The following PFKFB4 variants were observed in gnomAD, a reference collection of about 807,000 sequenced individuals.
PFKFB4 encodes 6-phosphofructo-2-kinase/fructose-2,6-biphosphatase 4.
In PFKFB4, 42 loss-of-function variants were observed where a neutral mutation model predicts 62.8. The ratio of observed to expected loss-of-function variants is 0.67; its 90% CI spans 0.52 to 0.86. The LOEUF (loss-of-function observed/expected upper bound fraction) is 0.86, where lower values mean the gene tolerates loss of function less well. PFKFB4 is among the 40% of genes least tolerant of loss of function. The pLI is 0.00. For missense variants in PFKFB4, 475 were observed against 627.2 expected, an observed-to-expected ratio of 0.76 and a Z score of 2.59; for synonymous variants, 204 against 240.7, an observed-to-expected ratio of 0.85 and a Z score of 1.41.
chr3:48,558,894 C>T (rs1456860475), upstream of PFKFB4, among the ~76,000 whole-genome samples: 6 of 152,246 alleles, frequency 3.9e-5, no homozygotes, highest in Non-Finnish European at 4.4e-5. Flanking sequence ...CTTCTGGCCA[C>T]TGCCAAGGCC....
chr3:48,548,774 T>G (rs1183633718), intron 3 of PFKFB4: 2 of 152,224 alleles, frequency 1.3e-5, no homozygotes, highest in Non-Finnish European at 2.9e-5. Context: ...GCCTTGATTT[T>G]TACCCACAAT....
chr3:48,561,942 T>C (rs1259865839), upstream of PFKFB4: 1 of 152,298 alleles, frequency 6.6e-6, no homozygotes, highest in African/African-American at 2.4e-5. The surrounding 1 kb of genome is among the most constrained non-coding windows in gnomAD (Gnocchi z 5.2). Context: ...CTGTCTCCTG[T>C]GAGCCCTGCA....
upstream of PFKFB4, chr3:48,556,809 T>A: frequency 1.3e-6 from 2 of 1,579,818 alleles, no homozygotes; most frequent in Non-Finnish European, 8.6e-7. This position sits in a 1 kb window ranked among gnomAD's most constrained non-coding sequence, Gnocchi z 5.7. Context: ...ACTGCGCCGC[T>A]TCCAACCCAG....
chr3:48,550,063 T>A (rs1402625093), intron 2 of PFKFB4, 55 bp downstream of exon 2: 1 of 1,455,628 alleles, frequency 6.9e-7, no homozygotes, highest in South Asian at 1.1e-5. Flanking sequence ...GCCTTCTCTA[T>A]TCTCTTCGTC....
intron 12 of PFKFB4, 147 bp downstream of exon 12, chr3:48,523,390 A>T (rs1240108757): frequency 2.5e-6 from 2 of 792,398 alleles, no homozygotes; most frequent in East Asian, 2.7e-5. Flanking sequence ...TCTCAAAGAA[A>T]AAAAGCAAAT....
intron 9 of PFKFB4, among the ~76,000 whole-genome samples, chr3:48,533,674 G>C (rs2042500779): frequency 6.6e-6 from 1 of 152,180 alleles, no homozygotes; most frequent in South Asian, 2.1e-4. Context: ...GGCCAACGTG[G>C]TGAAACCCTG....
chr3:48,559,735 G>A (rs1477534674), upstream of PFKFB4: 1 of 402,176 alleles, frequency 2.5e-6, no homozygotes, highest in East Asian at 7.2e-5. Flanking sequence ...GAACCTGGCT[G>A]GCCTGACCCT....
chr3:48,528,261 T>C (rs2042326680), intron 9 of PFKFB4, among the ~76,000 whole-genome samples: 3 of 151,994 alleles, frequency 2.0e-5, no homozygotes, highest in African/African-American at 7.2e-5. Flanking sequence ...GAATGTGAGA[T>C]GGCGAAACAG....
chr3:48,543,066 A>C (rs909577585), intron 4 of PFKFB4, among the ~76,000 whole-genome samples: 1 of 152,172 alleles, frequency 6.6e-6, no homozygotes. Context: ...AGGAAGAAGA[A>C]GGAAGGGAAA....
At chr3:48,519,889 T>C in intron 13 of PFKFB4, 83 bp from the exon 14 acceptor site, 1 of 1,069,600 alleles carries the variant, frequency 9.3e-7, no homozygotes, top group Non-Finnish European at 1.4e-6. Context: ...TCACTGTGGT[T>C]CATCAGGCTT....
chr3:48,535,436 G>T (rs546456467), intron 9 of PFKFB4, 76 bp downstream of exon 9: 6 of 1,297,046 alleles, frequency 4.6e-6, no homozygotes, highest in Non-Finnish European at 3.3e-6. Context: ...GGGAGCAATG[G>T]TCACTGTTGT....
chr3:48,555,260 ACAAT>A (rs1278183502), intron 1 of PFKFB4, among the ~76,000 whole-genome samples: 1 of 152,086 alleles, frequency 6.6e-6, no homozygotes, highest in African/African-American at 2.4e-5. Flanking sequence ...GACCTACATC[ACAAT>A]CAAAGCCATG....
chr3:48,531,629 ATTT>A (rs892279202), intron 9 of PFKFB4, among the ~76,000 whole-genome samples: 1 of 148,860 alleles, frequency 6.7e-6, no homozygotes, highest in Non-Finnish European at 1.5e-5. Flanking sequence ...CCAAAAAAAA[ATTT>A]TTTTTTTAAA....
chr3:48,543,838 G>A (rs1411109765), intron 3 of PFKFB4, among the ~76,000 whole-genome samples, 192 bp from the exon 4 acceptor site: 3 of 152,142 alleles, frequency 2.0e-5, no homozygotes, highest in Admixed American at 1.3e-4. Flanking sequence ...CCTGTGAGGT[G>A]GAAGGCTATA....
chr3:48,535,794 G>T, intron 8 of PFKFB4, 136 bp from the exon 9 acceptor site: 1 of 997,326 alleles, frequency 1.0e-6, no homozygotes, highest in Non-Finnish European at 1.5e-6. Flanking sequence ...GAACTAACTT[G>T]TCGATGACAC....
chr3:48,526,506 G>A (rs2042264210), intron 9 of PFKFB4, among the ~76,000 whole-genome samples: 1 of 151,030 alleles, frequency 6.6e-6, no homozygotes, highest in Non-Finnish European at 1.5e-5. Flanking sequence ...CCAAGAGGTG[G>A]AGATTGCAGT....
rs749458758 is a variant in PFKFB4, at chr3:48,518,577, C to T, written c.*1170G>A. Reference sequence around the variant, plus strand: ...CAAAAGAACTCAGGGGCATGACAGACACTGGACTTCACAAGGCCATTTTCA... The same window carrying T: ...CAAAAGAACTCAGGGGCATGACAGATACTGGACTTCACAAGGCCATTTTCA... On this transcript the variant is annotated 3_prime_UTR_variant, in exon 14 of 14. Transcript: ENST00000232375. The T allele has an allele frequency of 6.6e-6, 1 of 152,268 alleles. No individual in the cohort carries two copies. The highest frequency in any genetic ancestry group is 1.5e-5 in the Non-Finnish European group (1 of 68,080). The allele number at this position is 152,268 out of a possible 1,614,324, so 9.4% of individuals were successfully genotyped here. A position where few individuals can be genotyped will look rare whatever the true frequency, so the allele number is the denominator to read the frequency against.
chr3:48,550,301 C>T (rs763205856), intron 1 of PFKFB4, 67 bp from the exon 2 acceptor site: 1 of 1,016,682 alleles, frequency 9.8e-7, no homozygotes. Flanking sequence ...TCCCTCTCAG[C>T]CTGTGGTCTC....
At chr3:48,562,027 A>C (rs2043439430), upstream of PFKFB4, 1 of 152,190 alleles carries the variant, frequency 6.6e-6, no homozygotes, top group Non-Finnish European at 1.5e-5. The surrounding 1 kb of genome is among the most constrained non-coding windows in gnomAD (Gnocchi z 4.3). Flanking sequence ...TTCTTGCTTC[A>C]TGCAGGTTTG....
Sources: allele counts gnomAD v4.1 joint callset (sites outside exome capture counted in the v4.1 genomes callset), GRCh38; gene constraint gnomAD v4.1.1; non-coding constraint Gnocchi (gnomAD v3.1); transcripts MANE v1.5; gene names NCBI Gene and HGNC (gene_info 2026-07-23, HGNC 2026-07-21).